Variants in GRM7 observed in about 807,000 individuals in gnomAD.
GRM7 encodes the protein glutamate metabotropic receptor 7, also known as metabotropic glutamate receptor 7.
GRM7 carries 35 observed loss-of-function variants against 84.5 expected under a neutral mutation model. The ratio of observed to expected loss-of-function variants is 0.41; its 90% CI spans 0.32 to 0.55. The LOEUF is 0.55. GRM7 is among the 20% of genes least tolerant of loss of function. The pLI is 0.19. For missense variants in GRM7, 1,003 were observed against 1,194.6 expected, an observed-to-expected ratio of 0.84 and a Z score of 2.36; for synonymous variants, 487 against 455.1, an observed-to-expected ratio of 1.07 and a Z score of -0.89.
chr3:6,951,113 T>A lies in GRM7; in HGVS notation c.519+89206T>A, dbSNP rs1692739037. Among the ~76,000 whole-genome samples the A allele has an allele frequency of 3.3e-5, 5 of 152,284 alleles. No individual in the cohort carries two copies. The South Asian group carries it at 1.0e-3, about 32-fold the overall frequency. Reference sequence around the variant, plus strand: ...AGTACCTCAGTTGTAAATGCAGAAATCACCCATCTTCTGCGTCGCTCACAC... The same window carrying A: ...AGTACCTCAGTTGTAAATGCAGAAAACACCCATCTTCTGCGTCGCTCACAC... On this transcript the variant is annotated intron_variant, in intron 1 of 9. Coordinates refer to ENST00000357716, the MANE Select transcript of GRM7 (RefSeq NM_000844.4).
intron 8 of GRM7, among the ~76,000 whole-genome samples, chr3:7,588,438 A>G (rs1220974104): frequency 6.6e-6 from 1 of 152,188 alleles, no homozygotes; most frequent in Non-Finnish European, 1.5e-5. Context: ...GTTTGGCCAT[A>G]AAGTTTTCAG....
At chr3:7,526,139 G>A (rs1222615775) in intron 7 of GRM7, among the ~76,000 whole-genome samples, 1 of 152,092 alleles carries the variant, frequency 6.6e-6, no homozygotes, top group Admixed American at 6.6e-5. Context: ...TTTCCACAGT[G>A]TCTGAACTAA....
chr3:7,291,534 CT>C (rs1699625992), intron 2 of GRM7, among the ~76,000 whole-genome samples: 1 of 135,462 alleles, frequency 7.4e-6, no homozygotes, highest in Non-Finnish European at 1.5e-5. Flanking sequence ...CTCTCTCTCT[CT>C]CTCTCTCTCT....
At chr3:6,950,635 C>G (rs1363386546) in intron 1 of GRM7, among the ~76,000 whole-genome samples, 1 of 152,152 alleles carries the variant, frequency 6.6e-6, no homozygotes, top group South Asian at 2.1e-4. Flanking sequence ...TTTTGTTTGT[C>G]TGTGCCCTGC....
intron 5 of GRM7, among the ~76,000 whole-genome samples, chr3:7,430,015 T>C (rs914422717): frequency 4.1e-4 from 62 of 152,272 alleles, no homozygotes; most frequent in African/African-American, 1.4e-3. Flanking sequence ...GAGATGGGCA[T>C]GGTGGTGCAT....
At chr3:6,888,412 G>A (rs887115668) in intron 1 of GRM7, among the ~76,000 whole-genome samples, 1 of 152,098 alleles carries the variant, frequency 6.6e-6, no homozygotes, top group African/African-American at 2.4e-5. Flanking sequence ...TTTTGTATAA[G>A]GTGTAAGGAA....
At chr3:7,394,953 G>A (rs955575279) in intron 4 of GRM7, among the ~76,000 whole-genome samples, 4 of 151,408 alleles carry the variant, frequency 2.6e-5, no homozygotes, top group African/African-American at 9.7e-5. Flanking sequence ...CAGGAGAGTT[G>A]CTTGAACCCA....
At chr3:7,244,078 C>G (rs1697664922) in intron 2 of GRM7, among the ~76,000 whole-genome samples, 1 of 152,034 alleles carries the variant, frequency 6.6e-6, no homozygotes, top group Non-Finnish European at 1.5e-5. Context: ...TTACTATACA[C>G]CACTGTAGAC....
chr3:7,319,070 A>G (rs1700680561), intron 4 of GRM7, among the ~76,000 whole-genome samples: 1 of 152,066 alleles, frequency 6.6e-6, no homozygotes, highest in Admixed American at 6.6e-5. Flanking sequence ...TAGAAATACC[A>G]GTAGGTCCTA....
chr3:6,896,742 A>AT (rs5846475), intron 1 of GRM7, among the ~76,000 whole-genome samples: 9,471 of 151,564 alleles, frequency 0.062, 419 homozygotes, highest in East Asian at 0.21. Context: ...CAGGCTGAAG[A>AT]TTTTTTTTTC....
At chr3:7,425,279 T>C (rs554852746) in intron 5 of GRM7, among the ~76,000 whole-genome samples, 1 of 152,290 alleles carries the variant, frequency 6.6e-6, no homozygotes, top group Admixed American at 6.5e-5. Context: ...GAAATTAAAA[T>C]AGGGCAGTAT....
chr3:6,898,402 C>CAAAAA (rs58548226), intron 1 of GRM7, among the ~76,000 whole-genome samples: 1 of 101,840 alleles, frequency 9.8e-6, no homozygotes, highest in Admixed American at 1.1e-4. Flanking sequence ...GGCACAAAGA[C>CAAAAA]AAAAAAAAAA....
rs533343451 is a variant in GRM7, at chr3:7,598,559, G to C, written c.2451+19202G>C. 5.9e-5 allele frequency among the ~76,000 whole-genome samples: 9 copies of C among 152,324 alleles called. No homozygotes were observed. In the East Asian group the frequency reaches 1.5e-3, roughly 26 times the overall value. On this transcript the variant is annotated intron_variant, in intron 8 of 9. Transcript: ENST00000357716. ...TCAGTTATCATGAAAGAAATCTCTT[G>C]CTTGTGAGGGTTGATTGCAAGGGTC...
intron 5 of GRM7, among the ~76,000 whole-genome samples, chr3:7,438,203 T>C (rs1697138418): frequency 6.6e-6 from 1 of 151,952 alleles, no homozygotes; most frequent in African/African-American, 2.4e-5. Flanking sequence ...GGTGCCAGGA[T>C]AGACATTGTG....
chr3:7,510,417 C>A (rs937672076), intron 7 of GRM7, among the ~76,000 whole-genome samples: 2 of 152,192 alleles, frequency 1.3e-5, no homozygotes, highest in Non-Finnish European at 1.5e-5. Context: ...CAGCTGTATT[C>A]TCAGTGCCTA....
At chr3:7,714,367 A>C (rs1701703072) in intron 9 of GRM7, among the ~76,000 whole-genome samples, 1 of 152,206 alleles carries the variant, frequency 6.6e-6, no homozygotes, top group African/African-American at 2.4e-5. Context: ...GAAAAGTGCC[A>C]GTTATCTTCT....
intron 2 of GRM7, among the ~76,000 whole-genome samples, chr3:7,274,239 A>G (rs1036408575): frequency 6.6e-6 from 1 of 152,040 alleles, no homozygotes; most frequent in Admixed American, 6.5e-5. Context: ...AGCATAAATA[A>G]ACATTTGAAT....
At chr3:7,383,452 T>A (rs1219068965) in intron 4 of GRM7, among the ~76,000 whole-genome samples, 1 of 152,240 alleles carries the variant, frequency 6.6e-6, no homozygotes, top group Non-Finnish European at 1.5e-5. Flanking sequence ...AGTTTCATGT[T>A]ATTAGGAAAT....
At chr3:7,298,906 G>T (rs1699904168) in intron 3 of GRM7, 81 bp downstream of exon 3, 1 of 1,252,104 alleles carries the variant, frequency 8.0e-7, no homozygotes, top group Non-Finnish European at 1.2e-6. Flanking sequence ...GCTGAGACAG[G>T]AAAAGATAGC....
Sources: gnomAD v4.1 joint callset for allele counts (sites outside exome capture counted in the v4.1 genomes callset) on GRCh38, gnomAD v4.1.1 for gene constraint, MANE v1.5 for transcripts, NCBI Gene and HGNC (gene_info 2026-07-23, HGNC 2026-07-21) for gene names.